The following GSE1 variants were observed in gnomAD, a reference collection of about 807,000 sequenced individuals.
GSE1 encodes the protein genetic suppressor element 1.
In GSE1, 32 loss-of-function variants were observed where a neutral mutation model predicts 112.6. That is an observed-to-expected ratio of 0.28 (90% CI 0.21 to 0.38). GSE1 has a LOEUF of 0.38. GSE1 is among the 10% of genes least tolerant of loss of function. The pLI is 1.00. For missense variants in GSE1, 2,348 were observed against 1,699.2 expected, an observed-to-expected ratio of 1.38 and a Z score of -6.71; for synonymous variants, 1,115 against 735.6, an observed-to-expected ratio of 1.52 and a Z score of -8.35.
chr16:85,650,147 G>A (rs756800665), intron 3 of GSE1, among the ~76,000 whole-genome samples: 23 of 152,202 alleles, frequency 1.5e-4, no homozygotes, highest in Non-Finnish European at 2.9e-4. Context: ...GGGGCAGGGC[G>A]TGGCCTGGAG....
At chr16:85,171,288 C>G in exon 1 of GSE1, 1 of 985,608 alleles carries the variant, frequency 1.0e-6, no homozygotes, top group Non-Finnish European at 1.2e-6. Flanking sequence ...CCCAGGGCGG[C>G]CCCGTGTCCA....
At chr16:85,417,780 G>C (rs897975302) in intron 2 of GSE1, among the ~76,000 whole-genome samples, 2 of 152,250 alleles carry the variant, frequency 1.3e-5, no homozygotes, top group African/African-American at 2.4e-5. Flanking sequence ...CCTGAATGCT[G>C]GGCTGCACCC....
chr16:85,432,542 C>T (rs1438172390), intron 2 of GSE1, among the ~76,000 whole-genome samples: 1 of 152,258 alleles, frequency 6.6e-6, no homozygotes, highest in Non-Finnish European at 1.5e-5. Flanking sequence ...GTGTTCTCTT[C>T]AGGGCCCTGC....
At chr16:85,398,543 C>T (rs891203136) in intron 2 of GSE1, among the ~76,000 whole-genome samples, 1 of 152,100 alleles carries the variant, frequency 6.6e-6, no homozygotes, top group East Asian at 1.9e-4. Flanking sequence ...GGAGGTAAAG[C>T]GTGGGAGAAC....
At chr16:85,518,625 G>A (rs535345834) in intron 2 of GSE1, among the ~76,000 whole-genome samples, 2 of 152,220 alleles carry the variant, frequency 1.3e-5, no homozygotes, top group Non-Finnish European at 2.9e-5. Context: ...GGACAGCAGC[G>A]CCTCAGTGCT....
intron 1 of GSE1, among the ~76,000 whole-genome samples, chr16:85,204,818 C>A (rs1283265355): frequency 3.9e-5 from 6 of 152,202 alleles, no homozygotes; most frequent in Non-Finnish European, 8.8e-5. Flanking sequence ...CCCCCCAGTC[C>A]CCCACACCCA....
chr16:85,556,013 C>G, exon 1 of GSE1: 30 of 985,058 alleles, frequency 3.0e-5, no homozygotes, highest in Non-Finnish European at 3.6e-5. Flanking sequence ...GGCGAAGACA[C>G]CCGGGCAGCC....
chr16:85,538,536 G>A (rs1307839812), intron 2 of GSE1, among the ~76,000 whole-genome samples: 1 of 152,134 alleles, frequency 6.6e-6, no homozygotes, highest in Non-Finnish European at 1.5e-5. Flanking sequence ...TTCTCTGACG[G>A]TGCTTGTAGC....
intron 1 of GSE1, among the ~76,000 whole-genome samples, chr16:85,313,696 G>A (rs917312802): frequency 6.6e-6 from 1 of 152,214 alleles, no homozygotes; most frequent in Admixed American, 6.5e-5. Flanking sequence ...AACAGGCTGT[G>A]GGGAAGGAAG....
chr16:85,549,082 C>T (rs1198043676), intron 2 of GSE1, among the ~76,000 whole-genome samples: 4 of 152,142 alleles, frequency 2.6e-5, no homozygotes, highest in South Asian at 2.1e-4. Context: ...CCACCGCGCC[C>T]GGCCTGGAGA....
At chr16:85,380,237 C>T (rs1793485433) in intron 2 of GSE1, among the ~76,000 whole-genome samples, 1 of 152,066 alleles carries the variant, frequency 6.6e-6, no homozygotes, top group African/African-American at 2.4e-5. Context: ...GGGAGGGCTC[C>T]CTAGAGGAGG....
chr16:85,401,013 C>T (rs1051926300), intron 2 of GSE1, among the ~76,000 whole-genome samples: 2 of 152,106 alleles, frequency 1.3e-5, no homozygotes, highest in African/African-American at 2.4e-5. Flanking sequence ...TACATCAGTG[C>T]GGGTGCAGAT....
At chr16:85,652,645 T>G (rs1396930524) in intron 3 of GSE1, among the ~76,000 whole-genome samples, 1 of 152,144 alleles carries the variant, frequency 6.6e-6, no homozygotes, top group Non-Finnish European at 1.5e-5. Context: ...CTGCACTGCC[T>G]CTGCGCGGGT....
exon 1 of GSE1, chr16:85,170,657 C>A (rs1357855358): frequency 1.7e-4 from 170 of 985,464 alleles, no homozygotes; most frequent in Non-Finnish European, 2.0e-4. Flanking sequence ...CCGCTGTCCC[C>A]GGCCTCGCAC....
chr16:85,188,773 C>G (rs1348639012), intron 1 of GSE1, among the ~76,000 whole-genome samples: 1 of 151,258 alleles, frequency 6.6e-6, no homozygotes, highest in Non-Finnish European at 1.5e-5. Flanking sequence ...TGCACTCCAG[C>G]CTGGGTGTTA....
In GSE1 at chr16:85,673,704, G is replaced by A. The variant is rs2053520957; in HGVS notation, c.*1165G>A. 1 of 152,336 alleles carries A rather than the reference G, an allele frequency of 6.6e-6. No homozygotes were observed. Among genetic ancestry groups the A allele is most frequent in the East Asian group, 1.9e-4 (1 of 5,182 alleles). 9.4% of individuals were successfully genotyped at this position (152,336 alleles called of 1,614,324 possible). ...TCCCCCTGCCTGCCCCCAGCATCTG[G>A]ACAAGCTAATAGCAAATATTACCCA... On this transcript the variant is annotated 3_prime_UTR_variant, in exon 16 of 16. Coordinates refer to ENST00000253458, the MANE Select transcript of GSE1 (RefSeq NM_014615.5).
chr16:85,187,670 C>T (rs368350879), intron 1 of GSE1, among the ~76,000 whole-genome samples: 1 of 152,216 alleles, frequency 6.6e-6, no homozygotes, highest in Non-Finnish European at 1.5e-5. Flanking sequence ...TCGCCCCCAC[C>T]TGCTCCTACC....
At chr16:85,370,522 G>A (rs912745526) in intron 2 of GSE1, among the ~76,000 whole-genome samples, 1 of 152,222 alleles carries the variant, frequency 6.6e-6, no homozygotes, top group Non-Finnish European at 1.5e-5. Context: ...GGAGGGCAAA[G>A]GAGGCCCCTC....
intron 1 of GSE1, among the ~76,000 whole-genome samples, chr16:85,630,971 C>G (rs1322999380): frequency 6.6e-6 from 1 of 152,208 alleles, no homozygotes; most frequent in Non-Finnish European, 1.5e-5. Flanking sequence ...AGGTGCCCGA[C>G]TGGTCTGTGT....
Sources: allele counts gnomAD v4.1 joint callset (sites outside exome capture counted in the v4.1 genomes callset), GRCh38; gene constraint gnomAD v4.1.1; transcripts MANE v1.5; gene names NCBI Gene and HGNC (gene_info 2026-07-23, HGNC 2026-07-21).